TENM2: variants seen among roughly 807,000 people sequenced by gnomAD.
TENM2 encodes teneurin transmembrane protein 2, also known as teneurin-2.
A neutral mutation model predicts 245.2 loss-of-function variants in TENM2; 52 were observed. That is an observed-to-expected ratio of 0.21 (90% CI 0.17 to 0.27). TENM2 has a LOEUF of 0.27. TENM2 is among the 10% of genes least tolerant of loss of function. The pLI is 1.00. For synonymous variants in TENM2, 1,363 were observed against 1,438.9 expected, an observed-to-expected ratio of 0.95 and a Z score of 1.19; for missense variants, 3,046 against 3,666.8, an observed-to-expected ratio of 0.83 and a Z score of 4.37.
At chr5:167,289,030 T>A (rs1754481470) in intron 1 of TENM2, among the ~76,000 whole-genome samples, 1 of 152,210 alleles carries the variant, frequency 6.6e-6, no homozygotes, top group Non-Finnish European at 1.5e-5. Context: ...CTCCCAGCCC[T>A]GCTGATCTAA....
intron 13 of TENM2, among the ~76,000 whole-genome samples, chr5:168,167,521 G>A (rs1758412269): frequency 6.6e-6 from 1 of 152,158 alleles, no homozygotes; most frequent in African/African-American, 2.4e-5. Context: ...GACCAAGGGA[G>A]GTGATGTCAT....
chr5:167,829,340 A>C (rs1005029208), intron 2 of TENM2, among the ~76,000 whole-genome samples: 2 of 152,242 alleles, frequency 1.3e-5, no homozygotes, highest in African/African-American at 4.8e-5. Flanking sequence ...CAGTCTGGCT[A>C]CTAAAACCCC....
intron 2 of TENM2, among the ~76,000 whole-genome samples, chr5:167,464,980 G>A (rs1174312976): frequency 6.6e-6 from 1 of 152,184 alleles, no homozygotes. Flanking sequence ...CCAATAAAGT[G>A]TCTCAAGTTC....
chr5:168,033,975 C>T (rs1787372597), intron 5 of TENM2, among the ~76,000 whole-genome samples: 2 of 150,302 alleles, frequency 1.3e-5, no homozygotes, highest in South Asian at 4.2e-4. Context: ...TACAGTGAGC[C>T]AAGATCGCCC....
the TENM2 span, among the ~76,000 whole-genome samples, chr5:167,026,499 A>G: frequency 6.6e-6 from 1 of 152,132 alleles, no homozygotes; most frequent in African/African-American, 2.4e-5. Context: ...CATGCTAGCA[A>G]TTTTGATATA....
chr5:167,279,247 A>T, the TENM2 span, among the ~76,000 whole-genome samples: 13 of 152,088 alleles, frequency 8.5e-5, no homozygotes, highest in African/African-American at 3.1e-4. Flanking sequence ...TATGGATGCA[A>T]TTGGATTTGT....
chr5:167,619,108 G>A (rs1777985709), intron 2 of TENM2, among the ~76,000 whole-genome samples: 1 of 152,072 alleles, frequency 6.6e-6, no homozygotes, highest in East Asian at 1.9e-4. Flanking sequence ...AGTTTTTCTG[G>A]AGACTACAGA....
chr5:167,987,266 G>A (rs564427069), intron 4 of TENM2, among the ~76,000 whole-genome samples: 66 of 151,738 alleles, frequency 4.3e-4, no homozygotes, highest in African/African-American at 1.5e-3. Flanking sequence ...GGGCATAAAA[G>A]TGATTCAGGT....
chr5:167,917,100 A>C (rs1777011760), intron 3 of TENM2, among the ~76,000 whole-genome samples: 1 of 152,142 alleles, frequency 6.6e-6, no homozygotes, highest in Admixed American at 6.5e-5. Flanking sequence ...GCACCTGATA[A>C]TTTTTTGGAA....
intron 5 of TENM2, among the ~76,000 whole-genome samples, chr5:168,005,824 C>G (rs1402831643): frequency 1.3e-5 from 2 of 152,042 alleles, no homozygotes; most frequent in Non-Finnish European, 2.9e-5. Flanking sequence ...ACCCTAATGA[C>G]AGAGAGTATT....
chr5:167,641,308 G>A (rs1406038098), intron 2 of TENM2, among the ~76,000 whole-genome samples: 1 of 152,044 alleles, frequency 6.6e-6, no homozygotes, highest in East Asian at 1.9e-4. Flanking sequence ...ACCACGGGGA[G>A]TAGTTATCTA....
chr5:167,620,133 T>C (rs1778064417), intron 2 of TENM2, among the ~76,000 whole-genome samples: 2 of 152,194 alleles, frequency 1.3e-5, no homozygotes, highest in South Asian at 2.1e-4. Flanking sequence ...TGGTTAGTTA[T>C]GCAGGGCAGC....
At chr5:167,233,921 T>G in the TENM2 span, among the ~76,000 whole-genome samples, 2 of 150,536 alleles carry the variant, frequency 1.3e-5, no homozygotes, top group Non-Finnish European at 2.9e-5. Context: ...AAATGGTGCT[T>G]TAAAAAAGGA....
chr5:167,767,024 T>C (rs1324996933), intron 2 of TENM2, among the ~76,000 whole-genome samples: 1 of 152,204 alleles, frequency 6.6e-6, no homozygotes, highest in Non-Finnish European at 1.5e-5. Flanking sequence ...ACAATTACCA[T>C]ATGATCCAAA....
At chr5:168,115,383 A>G (rs1794988306) in intron 9 of TENM2, among the ~76,000 whole-genome samples, 2 of 109,562 alleles carry the variant, frequency 1.8e-5, no homozygotes, top group African/African-American at 3.9e-5. Context: ...GAAGGAAGGA[A>G]GGAAGGAAGG....
chr5:168,062,005 G>A (rs1790081467), intron 6 of TENM2, 55 bp from the exon 9 acceptor site: 3 of 1,455,322 alleles, frequency 2.1e-6, no homozygotes, highest in Admixed American at 5.0e-5. Flanking sequence ...CAAATATAGA[G>A]CCAACTAATC....
chr5:167,823,729 G>A (rs925321209), intron 2 of TENM2, among the ~76,000 whole-genome samples: 3 of 152,138 alleles, frequency 2.0e-5, no homozygotes, highest in Admixed American at 1.3e-4. Flanking sequence ...TTGCTGACCT[G>A]TGGAGCAAGT....
chr5:167,825,449 C>T (rs941819160), intron 2 of TENM2, among the ~76,000 whole-genome samples: 6 of 152,128 alleles, frequency 3.9e-5, no homozygotes, highest in Non-Finnish European at 5.9e-5. Flanking sequence ...ACCCACTGAG[C>T]GTTTGCTTAG....
rs1466728745 is a variant in TENM2, at chr5:168,076,246, G to C, written c.1515+13981G>C. On this transcript the variant is annotated intron_variant, in intron 7 of 28. Coordinates refer to ENST00000518659, the Ensembl canonical transcript of TENM2. Reference sequence around the variant, plus strand: ...TTATTTTATTTTATTTTATTTTTGAGACAGAGTCTCAATCTGTCACCCAGG... The same window carrying C: ...TTATTTTATTTTATTTTATTTTTGACACAGAGTCTCAATCTGTCACCCAGG... 2.8e-5 allele frequency among the ~76,000 whole-genome samples: 4 copies of C among 143,288 alleles called. No individual in the cohort carries two copies. In the Admixed American group the frequency reaches 2.9e-4, roughly 10 times the overall value. The allele number at this position is 143,288 out of a possible 152,430, so 94.0% of individuals were successfully genotyped here. A position where few individuals can be genotyped will look rare whatever the true frequency, so the allele number is the denominator to read the frequency against.
Sources: allele counts gnomAD v4.1 joint callset (sites outside exome capture counted in the v4.1 genomes callset), GRCh38; gene constraint gnomAD v4.1.1; transcripts MANE v1.5; gene names NCBI Gene and HGNC (gene_info 2026-07-23, HGNC 2026-07-21).